TENT4B: variants seen among roughly 807,000 people sequenced by gnomAD.
TENT4B encodes the protein PAP associated domain containing 5.
TENT4B carries 10 observed loss-of-function variants against 75.0 expected under a neutral mutation model. The ratio of observed to expected loss-of-function variants is 0.13; its 90% CI spans 0.08 to 0.23. TENT4B has a LOEUF of 0.23. TENT4B is among the 10% of genes least tolerant of loss of function. The probability of loss-of-function intolerance (pLI) is 1.00; values close to 1 mark genes in which losing one functional copy is unlikely to be tolerated. For synonymous variants in TENT4B, 350 were observed against 357.7 expected (o/e 0.98, Z 0.24); for missense variants, 579 against 893.8 (o/e 0.65, Z 4.49).
intron 1 of TENT4B, among the ~76,000 whole-genome samples, chr16:50,194,548 C>T (rs965658038): frequency 2.6e-5 from 4 of 150,986 alleles, no homozygotes; most frequent in African/African-American, 7.3e-5. Context: ...TTCTTTTTTT[C>T]AGGTTCATTG....
Position 50,229,472 on chromosome 16 carries a change from A to C in TENT4B, c.*144A>C. 7.8e-7 allele frequency: 1 copy of C among 1,285,698 alleles called. No individual in the cohort carries two copies. Among genetic ancestry groups the C allele is most frequent in the Non-Finnish European group, 9.8e-7 (1 of 1,018,316 alleles). 79.6% of individuals were successfully genotyped at this position (1,285,698 alleles called of 1,614,324 possible). ...TGCGTTTTTTCCCAGCTCGCCACAG[A>C]ATGGATCATGAAGACTGACAACTGC... On this transcript the variant is annotated 3_prime_UTR_variant, in exon 12 of 12. Transcript: ENST00000561678.
intron 7 of TENT4B, 148 bp from the exon 8 acceptor site, chr16:50,224,509 G>A: frequency 2.4e-6 from 2 of 826,470 alleles, no homozygotes; most frequent in Non-Finnish European, 3.7e-6. Flanking sequence ...CAGAGACTGG[G>A]GAGCTTTGGG....
chr16:50,179,084 C>T (rs561525636), intron 1 of TENT4B, among the ~76,000 whole-genome samples: 1 of 152,196 alleles, frequency 6.6e-6, no homozygotes, highest in African/African-American at 2.4e-5. Flanking sequence ...TTATTCCAGC[C>T]GGGTGCGGTG....
chr16:50,161,779 A>G (rs1260796965), intron 1 of TENT4B, among the ~76,000 whole-genome samples: 2 of 152,212 alleles, frequency 1.3e-5, no homozygotes, highest in African/African-American at 4.8e-5. Flanking sequence ...GAACCAGGAA[A>G]TTGTCATCGT....
At chr16:50,178,534 A>G (rs2038352658) in intron 1 of TENT4B, among the ~76,000 whole-genome samples, 2 of 152,304 alleles carry the variant, frequency 1.3e-5, no homozygotes, top group South Asian at 2.1e-4. Flanking sequence ...TTAAAAAAAA[A>G]ATCAGAATGA....
chr16:50,217,632 G>T lies in TENT4B; in HGVS notation c.1007G>T (p.Arg336Ile). The T allele has an allele frequency of 6.5e-7, 1 of 1,534,872 alleles. No homozygotes were observed. The highest frequency in any genetic ancestry group is 1.3e-5 in the South Asian group (1 of 79,688). The change falls in exon 5 of 12, where the codon AGA (arginine) becomes ATA (isoleucine). Residue 336 changes from arginine to isoleucine, a missense_variant. Coordinates refer to ENST00000561678, the MANE Select transcript of TENT4B (RefSeq NM_001365324.3). Reference sequence around the variant, plus strand: ...AGCTTTAATGTACAGAATGGCGTGAGAGCAGCTGACCTCATCAAAGATTTT... The same window carrying T: ...AGCTTTAATGTACAGAATGGCGTGATAGCAGCTGACCTCATCAAAGATTTT... ...DISFNVQNGV[R>I]AADLIKDFTK...
At chr16:50,208,129 A>C (rs751196461) in intron 1 of TENT4B, among the ~76,000 whole-genome samples, 6 of 152,258 alleles carry the variant, frequency 3.9e-5, no homozygotes, top group Middle Eastern at 3.4e-3. Flanking sequence ...TGACTTTGCA[A>C]GTGTGGCTTT....
At chr16:50,213,923 T>G (rs888381250) in intron 2 of TENT4B, among the ~76,000 whole-genome samples, 4 of 152,182 alleles carry the variant, frequency 2.6e-5, no homozygotes, top group African/African-American at 9.7e-5. Context: ...GACTCAAGCA[T>G]CTTCAGATTT....
chr16:50,234,661 A>G lies in TENT4B; in HGVS notation c.*5333A>G, dbSNP rs568730628. ...TTTAAAAAAGTCTTTTGAAAGTCCTACAATCCTAAAATAAATCACAAGCTT... is the reference window on the plus strand; with the variant it reads ...TTTAAAAAAGTCTTTTGAAAGTCCTGCAATCCTAAAATAAATCACAAGCTT... On this transcript the variant is annotated 3_prime_UTR_variant, in exon 12 of 12. Transcript: ENST00000561678. 1.9e-5 allele frequency: 19 copies of G among 985,452 alleles called. No individual in the cohort carries two copies. The African/African-American group carries it at 3.1e-4, about 16-fold the overall frequency. 61.0% of individuals were successfully genotyped at this position (985,452 alleles called of 1,614,324 possible). A position where few individuals can be genotyped will look rare whatever the true frequency, so the allele number is the denominator to read the frequency against.
rs565321960 is a variant in TENT4B at position 50,198,139 on chromosome 16, G to A, written c.639-13184G>A. On this transcript the variant is annotated intron_variant, in intron 1 of 11. Transcript: ENST00000561678. ...ATAATTAAAAAAAAAAAAAAAAGCC[G>A]GGCACAGTGGCCCATGACTGTAATC... Among the ~76,000 whole-genome samples, 42 of 142,652 alleles carry A rather than the reference G, an allele frequency of 2.9e-4. No individual in the cohort carries two copies. The South Asian group carries it at 7.5e-3, about 26-fold the overall frequency. 93.6% of individuals were successfully genotyped at this position (142,652 alleles called of 152,430 possible).
rs921277170 is a variant in TENT4B at position 50,229,715 on chromosome 16, TG to T, written c.*391del. On this transcript the variant is annotated 3_prime_UTR_variant, in exon 12 of 12. Transcript: ENST00000561678. ...CAAAAAACAGTATCAGAGGATGAGG[TG>T]GGGAAGGAAAACAAAGGTATCTGAT... 8.4e-5 allele frequency: 83 copies of T among 990,056 alleles called. No homozygotes were observed. In the African/African-American group the frequency reaches 1.3e-3, roughly 16 times the overall value. The allele number at this position is 990,056 out of a possible 1,614,324, so 61.3% of individuals were successfully genotyped here. A position where few individuals can be genotyped will look rare whatever the true frequency, so the allele number is the denominator to read the frequency against.
chr16:50,154,770 C>T (rs1184500720), intron 1 of TENT4B, among the ~76,000 whole-genome samples: 1 of 152,154 alleles, frequency 6.6e-6, no homozygotes, highest in Non-Finnish European at 1.5e-5. Context: ...CCAGAATGCT[C>T]CTCCCCATCC....
At chr16:50,164,306 G>T (rs1450590762) in intron 1 of TENT4B, among the ~76,000 whole-genome samples, 1 of 83,036 alleles carries the variant, frequency 1.2e-5, no homozygotes, top group South Asian at 5.0e-4. Context: ...GTTTGTTGTT[G>T]TTCTTTTGTT....
intron 1 of TENT4B, among the ~76,000 whole-genome samples, chr16:50,210,592 ATCT>A (rs1373469514): frequency 2.6e-5 from 4 of 152,210 alleles, no homozygotes; most frequent in African/African-American, 9.6e-5. Context: ...TGCCAGTTTA[ATCT>A]TCTTAAAATG....
chr16:50,167,902 T>C (rs2038132817), intron 1 of TENT4B, among the ~76,000 whole-genome samples: 1 of 152,108 alleles, frequency 6.6e-6, no homozygotes, highest in Non-Finnish European at 1.5e-5. Flanking sequence ...AGCAATCCTC[T>C]CATCTCGGCC....
chr16:50,200,310 A>G (rs1344163243), intron 1 of TENT4B, among the ~76,000 whole-genome samples: 2 of 151,882 alleles, frequency 1.3e-5, no homozygotes, highest in Admixed American at 6.6e-5. Context: ...AGGTGGCAGT[A>G]AACTGTGATC....
chr16:50,201,680 CA>C (rs1279663517), intron 1 of TENT4B, among the ~76,000 whole-genome samples: 1 of 151,474 alleles, frequency 6.6e-6, no homozygotes, highest in Non-Finnish European at 1.5e-5. Flanking sequence ...CCATCTCTAC[CA>C]AAAATACAAA....
chr16:50,186,157 C>G (rs755406491), intron 1 of TENT4B, among the ~76,000 whole-genome samples: 4 of 152,052 alleles, frequency 2.6e-5, no homozygotes, highest in African/African-American at 9.7e-5. Context: ...ATTGCCAGAA[C>G]TTTTCATCAT....
chr16:50,175,279 A>G (rs1185147913), intron 1 of TENT4B, among the ~76,000 whole-genome samples: 1 of 152,158 alleles, frequency 6.6e-6, no homozygotes, highest in Non-Finnish European at 1.5e-5. Flanking sequence ...CAGAGCACAC[A>G]TTATACATTT....
Sources: gnomAD v4.1 joint callset for allele counts (sites outside exome capture counted in the v4.1 genomes callset) on GRCh38, gnomAD v4.1.1 for gene constraint, MANE v1.5 for transcripts, NCBI Gene and HGNC (gene_info 2026-07-23, HGNC 2026-07-21) for gene names.